ZNF462: variants seen among roughly 807,000 people sequenced by gnomAD.
The protein encoded by ZNF462 is zinc finger PBX1-interacting protein.
In ZNF462, 10 loss-of-function variants were observed where a neutral mutation model predicts 201.9. The ratio of observed to expected loss-of-function variants is 0.05; its 90% CI spans 0.03 to 0.08. The LOEUF (loss-of-function observed/expected upper bound fraction) is 0.08, where lower values mean the gene tolerates loss of function less well. Ranked by LOEUF, ZNF462 falls within the 10% of genes least tolerant of loss-of-function variation. ZNF462 has a pLI of 1.00. For missense variants in ZNF462, 2,523 were observed against 3,168.3 expected, an observed-to-expected ratio of 0.80 and a Z score of 4.89; for synonymous variants, 1,227 against 1,193.3, an observed-to-expected ratio of 1.03 and a Z score of -0.58.
At chr9:106,868,601 G>A (rs1827449132) in intron 1 of ZNF462, among the ~76,000 whole-genome samples, 1 of 152,158 alleles carries the variant, frequency 6.6e-6, no homozygotes, top group Non-Finnish European at 1.5e-5. Context: ...GAAGCTAGTT[G>A]TTTTAGGCCC....
chr9:106,943,057 CGCGTGT>C lies in ZNF462; in HGVS notation c.6427+3952_6427+3957del, dbSNP rs1199115497. On this transcript the variant is annotated intron_variant, in intron 7 of 12. Coordinates refer to ENST00000277225, the MANE Select transcript of ZNF462 (RefSeq NM_021224.6). Reference sequence around the variant, plus strand: ...TGGTAACATAGTTTTGTTTTGCGCGCGCGTGTGTGTGTGTGTGTGTGTGTGTGTGTG... The same window carrying C: ...TGGTAACATAGTTTTGTTTTGCGCGCGTGTGTGTGTGTGTGTGTGTGTGTG... Among the ~76,000 whole-genome samples the C allele has an allele frequency of 2.8e-4, 38 of 136,900 alleles. 1 individual carries two copies. Among genetic ancestry groups the C allele is most frequent in the East Asian group, 1.2e-3 (6 of 4,854 alleles). The allele number at this position is 136,900 out of a possible 152,430, so 89.8% of individuals were successfully genotyped here.
rs1447937352 is a variant in ZNF462 at position 106,950,353 on chromosome 9, T to G, written c.6427+11246T>G. Among the ~76,000 whole-genome samples the G allele has an allele frequency of 2.0e-5, 3 of 152,218 alleles. No homozygotes were observed. The highest frequency in any genetic ancestry group is 4.4e-5 in the Non-Finnish European group (3 of 68,042). On this transcript the variant is annotated intron_variant, in intron 7 of 12. Transcript: ENST00000277225. The surrounding 1 kb of genome is among the most constrained non-coding windows in gnomAD (Gnocchi z 4.1). ...TGCTAGAAGTTGCAAATAGCTGCAG[T>G]CTATCTTACTTGTCCCAAACTAAAT...
chr9:106,957,359 T>C (rs143506376), intron 7 of ZNF462, among the ~76,000 whole-genome samples: 1 of 152,218 alleles, frequency 6.6e-6, no homozygotes, highest in Non-Finnish European at 1.5e-5. Flanking sequence ...ATAGGCATGG[T>C]TCATGACACC....
chr9:106,983,534 A>G (rs1350828552), intron 9 of ZNF462, among the ~76,000 whole-genome samples: 1 of 152,224 alleles, frequency 6.6e-6, no homozygotes. Flanking sequence ...AGAAGGGGAA[A>G]TGAGAATGGA....
In ZNF462 at chr9:106,925,541, G is replaced by T. The variant is rs566923526; in HGVS notation, c.1629G>T (p.Pro543=). Reference sequence around the variant, plus strand: ...ATCCCTTGCAGCAGCAACAGCCACCGCAGCCACCACCACCGCCGCCGCCAC... The same window carrying T: ...ATCCCTTGCAGCAGCAACAGCCACCTCAGCCACCACCACCGCCGCCGCCAC... ...MLDPLQQQQP[P]QPPPPPPPPP... is the part of the protein sequence containing the mutation. The change falls in exon 3 of 13, where the codon CCG becomes CCT. Residue 543 remains proline, a synonymous_variant. Transcript: ENST00000277225. This position sits in a 1 kb window ranked among gnomAD's most constrained non-coding sequence, Gnocchi z 7.9. The T allele has an allele frequency of 6.2e-7, 1 of 1,613,012 alleles. No individual in the cohort carries two copies. The highest frequency in any genetic ancestry group is 1.3e-5 in the African/African-American group (1 of 74,912).
intron 9 of ZNF462, among the ~76,000 whole-genome samples, chr9:106,980,301 T>G (rs1029345425): frequency 6.6e-6 from 1 of 152,244 alleles, no homozygotes; most frequent in Non-Finnish European, 1.5e-5. Context: ...ATACTCAGAC[T>G]TTGTCACTTC....
At position 106,870,019 on chromosome 9, in the gene ZNF462, A is replaced by G. The variant is rs972896223; in HGVS notation, c.-31+6664A>G. 6.6e-5 allele frequency among the ~76,000 whole-genome samples: 10 copies of G among 152,308 alleles called. No individual in the cohort carries two copies. Among genetic ancestry groups the G allele is most frequent in the African/African-American group, 2.2e-4 (9 of 41,566 alleles). ...TTTACATTTTGTGCTTGGAAATGCT[A>G]TCATAAAATTTATCTTTTTTCTAAG... On this transcript the variant is annotated intron_variant, in intron 1 of 12. Coordinates refer to ENST00000277225, the MANE Select transcript of ZNF462 (RefSeq NM_021224.6). The surrounding 1 kb of genome is among the most constrained non-coding windows in gnomAD (Gnocchi z 4.3).
chr9:106,987,861 A>G (rs1827970417), intron 10 of ZNF462, among the ~76,000 whole-genome samples: 1 of 152,156 alleles, frequency 6.6e-6, no homozygotes, highest in South Asian at 2.1e-4. Context: ...ATGAGGATCC[A>G]GTTTCATTCT....
rs1414115849 is a variant in ZNF462, at chr9:106,954,981, G to A, written c.6427+15874G>A. The stretch of plus-strand genomic sequence containing the variant: ...TTGTTGTGTCCTGTAAATAGTCATG[G>A]TAGTAAAGTAGTAAATCAAGATTTG... On this transcript the variant is annotated intron_variant, in intron 7 of 12. Coordinates refer to ENST00000277225, the MANE Select transcript of ZNF462 (RefSeq NM_021224.6). This position sits in a 1 kb window ranked among gnomAD's most constrained non-coding sequence, Gnocchi z 4.0. 6.6e-6 allele frequency among the ~76,000 whole-genome samples: 1 copy of A among 152,096 alleles called. No homozygotes were observed. Among genetic ancestry groups the A allele is most frequent in the Non-Finnish European group, 1.5e-5 (1 of 68,010 alleles).
At chr9:106,889,561 G>T (rs1270291784) in intron 1 of ZNF462, among the ~76,000 whole-genome samples, 3 of 152,234 alleles carry the variant, frequency 2.0e-5, no homozygotes, top group African/African-American at 7.2e-5. Context: ...TCCTTGGTTA[G>T]TTGAAAAGAA....
At chr9:107,002,631 T>C (rs755574543) in intron 10 of ZNF462, among the ~76,000 whole-genome samples, 7 of 152,222 alleles carry the variant, frequency 4.6e-5, no homozygotes, top group African/African-American at 7.2e-5. Flanking sequence ...CCAGCCATAG[T>C]TAACACTTTT....
At position 106,925,740 on chromosome 9, in the gene ZNF462, A is replaced by G. The variant is rs778422507; in HGVS notation, c.1828A>G (p.Thr610Ala). ...YKCTMCNYSTTTLKGLRVHQQ... is the reference protein window; with the variant it reads ...YKCTMCNYSTATLKGLRVHQQ... ...ATGCACCATGTGTAATTACTCCACC[A>G]CAACTCTGAAAGGGCTAAGAGTCCA... Residue 610 changes from threonine to alanine, a missense_variant, in exon 3 of 13, where the codon ACA (threonine) becomes GCA (alanine). Thr to Ala is a moderately conservative substitution (Grantham distance 58, BLOSUM62 0). Coordinates refer to ENST00000277225, the MANE Select transcript of ZNF462 (RefSeq NM_021224.6). This position sits in a 1 kb window ranked among gnomAD's most constrained non-coding sequence, Gnocchi z 7.9. The G allele has an allele frequency of 2.5e-6, 4 of 1,614,150 alleles. No individual in the cohort carries two copies. Among genetic ancestry groups the G allele is most frequent in the South Asian group, 1.1e-5 (1 of 91,078 alleles).
Position 106,966,695 on chromosome 9 carries a change from A to G in ZNF462, c.6428-5310A>G, listed in dbSNP as rs895429065. ...TTACTGTCCCAGAACAGGGTCTCCT[A>G]TTTACTTAAATGCTCAGTAAATATT... On this transcript the variant is annotated intron_variant, in intron 7 of 12. Transcript: ENST00000277225. The surrounding 1 kb of genome is among the most constrained non-coding windows in gnomAD (Gnocchi z 4.4). 6.6e-6 allele frequency among the ~76,000 whole-genome samples: 1 copy of G among 152,140 alleles called. No homozygotes were observed. Among genetic ancestry groups the G allele is most frequent in the Admixed American group, 6.6e-5 (1 of 15,262 alleles).
rs756396080 is a variant in ZNF462, at chr9:106,972,348, C to T, written c.6695+76C>T. 30 of 1,543,836 alleles carry T rather than the reference C, an allele frequency of 1.9e-5. No individual in the cohort carries two copies. Among genetic ancestry groups the T allele is most frequent in the Non-Finnish European group, 2.3e-5 (26 of 1,145,652 alleles). On this transcript the variant is annotated intron_variant, in intron 8 of 12. Coordinates refer to ENST00000277225, the MANE Select transcript of ZNF462 (RefSeq NM_021224.6). The surrounding 1 kb of genome is among the most constrained non-coding windows in gnomAD (Gnocchi z 4.8). The stretch of plus-strand genomic sequence containing the variant: ...CACCCCTCACTGCAGGCTTCCCTTA[C>T]ACTTTCCTACTTGGAGCTTATGGGA...
intron 1 of ZNF462, among the ~76,000 whole-genome samples, chr9:106,863,977 C>G (rs1827174087): frequency 6.6e-6 from 1 of 151,618 alleles, no homozygotes; most frequent in African/African-American, 2.4e-5. Context: ...TTCTGTCTGC[C>G]TGTCCCCCGC....
chr9:106,935,490 C>A lies in ZNF462; in HGVS notation c.6117-13C>A, dbSNP rs1235054537. The stretch of plus-strand genomic sequence containing the variant: ...TTTTGTCATTTTTCTTTTTGTTTTC[C>A]TTCTACATCAAGTTTGGATCGCCAT... On this transcript the variant is annotated splice_polypyrimidine_tract_variant and intron_variant, in intron 5 of 12. Transcript: ENST00000277225. The surrounding 1 kb of genome is among the most constrained non-coding windows in gnomAD (Gnocchi z 4.1). 6.2e-7 allele frequency: 1 copy of A among 1,609,014 alleles called. No homozygotes were observed. Among genetic ancestry groups the A allele is most frequent in the Non-Finnish European group, 8.5e-7 (1 of 1,176,676 alleles).
At chr9:106,910,959 C>T (rs374665644) in intron 1 of ZNF462, among the ~76,000 whole-genome samples, 2 of 152,254 alleles carry the variant, frequency 1.3e-5, no homozygotes, top group Non-Finnish European at 1.5e-5. Context: ...ATCACGAAAG[C>T]GTCATGTCAT....
At position 107,005,225 on chromosome 9, in the gene ZNF462, AC is replaced by A. The variant is rs1829466506; in HGVS notation, c.7189+1801del. Among the ~76,000 whole-genome samples, 1 of 152,162 alleles carries A rather than the reference AC, an allele frequency of 6.6e-6. No homozygotes were observed. Among genetic ancestry groups the A allele is most frequent in the African/African-American group, 2.4e-5 (1 of 41,446 alleles). ...TCCTGCTTTCATTTCCTTTGGATAT[AC>A]CTAGGAGTGGGATTGCTAGATCAAT... On this transcript the variant is annotated intron_variant, in intron 11 of 12. Transcript: ENST00000277225. This position sits in a 1 kb window ranked among gnomAD's most constrained non-coding sequence, Gnocchi z 4.4.
intron 7 of ZNF462, among the ~76,000 whole-genome samples, chr9:106,960,954 T>C (rs1564133989): frequency 6.6e-6 from 1 of 152,110 alleles, no homozygotes; most frequent in Non-Finnish European, 1.5e-5. Flanking sequence ...ATATCTGGGA[T>C]GAGTGCATTT....
Sources: allele counts gnomAD v4.1 joint callset (sites outside exome capture counted in the v4.1 genomes callset), GRCh38; gene constraint gnomAD v4.1.1; non-coding constraint Gnocchi (gnomAD v3.1); transcripts MANE v1.5; gene names NCBI Gene and HGNC (gene_info 2026-07-23, HGNC 2026-07-21).